Variants in SAMD4A observed in about 807,000 individuals in gnomAD.
The protein encoded by SAMD4A is sterile alpha motif domain containing 4A.
Under a neutral mutation model 81.3 loss-of-function variants are expected in SAMD4A, and 33 were observed. The observed-to-expected ratio is 0.41, with a 90% confidence interval of 0.31 to 0.54. SAMD4A has a LOEUF of 0.54. Ranked by LOEUF, SAMD4A falls within the 20% of genes least tolerant of loss-of-function variation. SAMD4A has a pLI of 0.37. For synonymous variants in SAMD4A, 389 were observed against 382.1 expected, an observed-to-expected ratio of 1.02 and a Z score of -0.21; for missense variants, 854 against 951.1, an observed-to-expected ratio of 0.90 and a Z score of 1.34.
At chr14:54,690,904 G>C (rs911272984) in intron 2 of SAMD4A, among the ~76,000 whole-genome samples, 6 of 152,164 alleles carry the variant, frequency 3.9e-5, no homozygotes, top group African/African-American at 1.4e-4. Context: ...GCAGACAATG[G>C]TTAGTTTCCA....
chr14:54,720,566 C>A (rs746489262), intron 3 of SAMD4A, among the ~76,000 whole-genome samples: 3 of 152,114 alleles, frequency 2.0e-5, no homozygotes, highest in Non-Finnish European at 4.4e-5. Context: ...TTACCAGCCT[C>A]CTCCTGAGGG....
At chr14:54,678,555 T>C (rs1316088031) in intron 2 of SAMD4A, among the ~76,000 whole-genome samples, 9 of 148,296 alleles carry the variant, frequency 6.1e-5, no homozygotes, top group African/African-American at 2.5e-5. Context: ...ATGATCTTTT[T>C]TTTTTTTTTT....
At chr14:54,707,296 G>T (rs1164012682) in intron 3 of SAMD4A, among the ~76,000 whole-genome samples, 2 of 151,550 alleles carry the variant, frequency 1.3e-5, no homozygotes, top group African/African-American at 4.9e-5. Context: ...TGGAGACAGG[G>T]TCTCCCTGTG....
intron 6 of SAMD4A, among the ~76,000 whole-genome samples, chr14:54,754,536 C>T (rs2038189318): frequency 6.6e-6 from 1 of 152,146 alleles, no homozygotes; most frequent in Non-Finnish European, 1.5e-5. Flanking sequence ...AGGACGCATC[C>T]CCTGGCCCTC....
intron 2 of SAMD4A, among the ~76,000 whole-genome samples, chr14:54,667,088 G>A (rs1235750683): frequency 3.3e-5 from 5 of 152,006 alleles, no homozygotes. Context: ...GATTTAAATA[G>A]ATGCAGAAGC....
intron 2 of SAMD4A, among the ~76,000 whole-genome samples, chr14:54,652,500 A>G (rs1426281829): frequency 1.3e-5 from 2 of 152,146 alleles, no homozygotes; most frequent in Non-Finnish European, 2.9e-5. Context: ...ACATTTAATT[A>G]TATTCCTTCT....
intron 3 of SAMD4A, among the ~76,000 whole-genome samples, chr14:54,730,319 C>A (rs547617976): frequency 4.6e-5 from 7 of 152,262 alleles, no homozygotes; most frequent in Admixed American, 2.0e-4. Context: ...ATTTGTCATC[C>A]CTGTTGTGAT....
At position 54,764,455 on chromosome 14, in the gene SAMD4A, T is replaced by G; in HGVS notation, c.1511T>G (p.Val504Gly). 1 of 1,596,196 alleles carries G rather than the reference T, an allele frequency of 6.3e-7. No homozygotes were observed. The highest frequency in any genetic ancestry group is 8.6e-7 in the Non-Finnish European group (1 of 1,169,058). ...ATTCATCTTTTCTTTTTAATTACAG[T>G]GTGCACACAGCTCTTGGTCTCCAGA... is the stretch of plus-strand genomic sequence containing the variant. ...PGQFTRVMGKVCTQLLVSRPD... is the reference protein window; with the variant it reads ...PGQFTRVMGKGCTQLLVSRPD... The change falls in exon 8 of 13, where the codon GTG (valine) becomes GGG (glycine). Residue 504 changes from valine (V) to glycine (G), a missense_variant and splice_region_variant. Val to Gly is a moderately radical substitution (Grantham distance 109). Transcript: ENST00000554335.
At chr14:54,777,610 G>A (rs1225542985) in intron 11 of SAMD4A, among the ~76,000 whole-genome samples, 1 of 152,106 alleles carries the variant, frequency 6.6e-6, no homozygotes, top group East Asian at 1.9e-4. Flanking sequence ...ACTCTCCCTG[G>A]GGGGATTCCT....
intron 8 of SAMD4A, among the ~76,000 whole-genome samples, chr14:54,766,646 G>A (rs1241394133): frequency 6.6e-6 from 1 of 152,184 alleles, no homozygotes; most frequent in Non-Finnish European, 1.5e-5. Flanking sequence ...TAGGACATTT[G>A]TGGGTGGCTT....
intron 3 of SAMD4A, among the ~76,000 whole-genome samples, chr14:54,711,862 A>G (rs1346282540): frequency 1.3e-5 from 2 of 152,148 alleles, no homozygotes; most frequent in African/African-American, 2.4e-5. Flanking sequence ...TGCTACGGGA[A>G]AAAAACCTCC....
intron 6 of SAMD4A, among the ~76,000 whole-genome samples, chr14:54,752,361 G>T (rs1373758976): frequency 1.3e-5 from 2 of 152,178 alleles, no homozygotes; most frequent in African/African-American, 4.8e-5. Flanking sequence ...CCTCAGGGTT[G>T]GGATTCTTAT....
At chr14:54,723,229 C>G (rs1319386224) in intron 3 of SAMD4A, among the ~76,000 whole-genome samples, 2 of 152,064 alleles carry the variant, frequency 1.3e-5, no homozygotes, top group Non-Finnish European at 2.9e-5. Flanking sequence ...TCAGAACACC[C>G]ACAGAACAGC....
chr14:54,680,809 T>C (rs1255147358), intron 2 of SAMD4A, among the ~76,000 whole-genome samples: 1 of 152,194 alleles, frequency 6.6e-6, no homozygotes, highest in Non-Finnish European at 1.5e-5. Context: ...AGTGTTGTTA[T>C]TGTTAGATAA....
At chr14:54,598,927 C>A (rs2033984314) in intron 2 of SAMD4A, among the ~76,000 whole-genome samples, 1 of 151,740 alleles carries the variant, frequency 6.6e-6, no homozygotes, top group Non-Finnish European at 1.5e-5. Context: ...TTCAAGTGAT[C>A]CTCCTACCTC....
At chr14:54,669,390 C>T (rs2035824486) in intron 2 of SAMD4A, among the ~76,000 whole-genome samples, 1 of 149,116 alleles carries the variant, frequency 6.7e-6, no homozygotes, top group South Asian at 2.1e-4. Flanking sequence ...TTGGCTGAAA[C>T]AAGCTGATAA....
At chr14:54,666,433 T>C (rs1407840662) in intron 2 of SAMD4A, among the ~76,000 whole-genome samples, 3 of 152,128 alleles carry the variant, frequency 2.0e-5, no homozygotes, top group African/African-American at 7.2e-5. Context: ...CAGTTGGCCC[T>C]GCAGAACCCA....
intron 2 of SAMD4A, among the ~76,000 whole-genome samples, chr14:54,700,562 A>G (rs1286895352): frequency 6.6e-6 from 1 of 152,220 alleles, no homozygotes; most frequent in Admixed American, 6.5e-5. Context: ...GCTAAATTCC[A>G]GAAACCCCTT....
In SAMD4A at chr14:54,568,132, C is replaced by G; in HGVS notation, c.196+20C>G. The G allele has an allele frequency of 6.9e-7, 1 of 1,453,818 alleles. No individual in the cohort carries two copies. Among genetic ancestry groups the G allele is most frequent in the Non-Finnish European group, 9.0e-7 (1 of 1,109,286 alleles). The allele number at this position is 1,453,818 out of a possible 1,614,324, so 90.1% of individuals were successfully genotyped here. A position where few individuals can be genotyped will look rare whatever the true frequency, so the allele number is the denominator to read the frequency against. ...GCCCCGGTAAGTGTGCGGCGGCCGC[C>G]GCCGCCGTCCCGCCTGCCCAACCCC... On this transcript the variant is annotated intron_variant, in intron 2 of 12. Coordinates refer to ENST00000554335, the MANE Select transcript of SAMD4A (RefSeq NM_015589.6).
Sources: allele counts gnomAD v4.1 joint callset (sites outside exome capture counted in the v4.1 genomes callset), GRCh38; gene constraint gnomAD v4.1.1; transcripts MANE v1.5; gene names NCBI Gene and HGNC (gene_info 2026-07-23, HGNC 2026-07-21).